CALN1: variants seen among roughly 807,000 people sequenced by gnomAD.
CALN1 encodes calcium-binding protein 8.
CALN1 carries 17 observed loss-of-function variants against 30.6 expected under a neutral mutation model. The observed-to-expected ratio is 0.56, with a 90% CI of 0.38 to 0.83. The LOEUF (loss-of-function observed/expected upper bound fraction) is 0.83, where lower values mean the gene tolerates loss of function less well. Ranked by LOEUF, CALN1 falls within the 40% of genes least tolerant of loss-of-function variation. The pLI, the probability that CALN1 is intolerant of heterozygous loss-of-function variation, is 0.00. For missense variants in CALN1, 291 were observed against 354.9 expected, an observed-to-expected ratio of 0.82 and a Z score of 1.45; for synonymous variants, 156 against 131.4, an observed-to-expected ratio of 1.19 and a Z score of -1.28.
the CALN1 span, among the ~76,000 whole-genome samples, chr7:72,483,280 CTTTTTTTT>C: frequency 2.9e-4 from 29 of 100,094 alleles, no homozygotes; most frequent in East Asian, 5.7e-4. Flanking sequence ...TTTTCTTTTT[CTTTTTTTT>C]TTTTTTTTTT....
intron 3 of CALN1, among the ~76,000 whole-genome samples, chr7:72,204,632 A>C (rs560698664): frequency 1.7e-4 from 26 of 152,290 alleles, no homozygotes; most frequent in African/African-American, 6.3e-4. Context: ...AAATTAAACA[A>C]TCTGTGCCTG....
chr7:72,189,177 G>A (rs1312198798), intron 3 of CALN1, among the ~76,000 whole-genome samples: 3 of 152,196 alleles, frequency 2.0e-5, no homozygotes, highest in Admixed American at 1.3e-4. Context: ...GCTGAGAATC[G>A]TTGTGGATTA....
chr7:72,094,760 T>C (rs1043842881), intron 4 of CALN1, among the ~76,000 whole-genome samples: 3 of 152,258 alleles, frequency 2.0e-5, no homozygotes, highest in East Asian at 1.9e-4. Flanking sequence ...TACCATTCCA[T>C]GTCCCAAGCA....
chr7:72,119,770 T>G (rs1808249673), intron 3 of CALN1, among the ~76,000 whole-genome samples: 1 of 151,596 alleles, frequency 6.6e-6, no homozygotes, highest in South Asian at 2.1e-4. Context: ...TTGTGAGACT[T>G]GTTCACCACC....
chr7:72,260,943 C>T (rs1036319618), intron 3 of CALN1, among the ~76,000 whole-genome samples: 1 of 151,988 alleles, frequency 6.6e-6, no homozygotes, highest in Non-Finnish European at 1.5e-5. Flanking sequence ...TGCAACATAC[C>T]CTGAGGCTCA....
intron 5 of CALN1, among the ~76,000 whole-genome samples, chr7:71,965,891 C>T (rs79086849): frequency 0.054 from 8,130 of 151,310 alleles, 518 homozygotes; most frequent in African/African-American, 0.16. Flanking sequence ...TCTTGGTCTT[C>T]TTCCTGTAGA....
intron 5 of CALN1, among the ~76,000 whole-genome samples, chr7:71,851,252 C>T (rs556754658): frequency 2.7e-5 from 4 of 149,466 alleles, no homozygotes; most frequent in Admixed American, 6.7e-5. Context: ...CACACACACA[C>T]ATCACACATA....
intron 3 of CALN1, among the ~76,000 whole-genome samples, chr7:72,161,431 T>C (rs980182119): frequency 2.6e-5 from 4 of 152,220 alleles, no homozygotes; most frequent in Non-Finnish European, 5.9e-5. Flanking sequence ...CATAAATCAG[T>C]TGAATCCAAG....
At chr7:72,401,422 C>CT (rs571505819) in intron 2 of CALN1, among the ~76,000 whole-genome samples, 7 of 152,260 alleles carry the variant, frequency 4.6e-5, no homozygotes, top group Middle Eastern at 6.8e-3. Context: ...CAAAGAAAAT[C>CT]TTTAAGGAAT....
intron 4 of CALN1, among the ~76,000 whole-genome samples, chr7:72,025,290 A>G (rs1800983542): frequency 6.6e-6 from 1 of 152,134 alleles, no homozygotes; most frequent in African/African-American, 2.4e-5. Flanking sequence ...AGCCTGGGCA[A>G]TAAGAGCAAG....
chr7:72,287,533 G>A (rs555825663), intron 2 of CALN1, among the ~76,000 whole-genome samples: 24 of 129,628 alleles, frequency 1.9e-4, no homozygotes, highest in South Asian at 2.6e-4. Context: ...TGCAAGCTCC[G>A]CCTCCTGGGT....
intron 4 of CALN1, among the ~76,000 whole-genome samples, chr7:72,045,000 A>T (rs1010676144): frequency 6.6e-6 from 1 of 152,216 alleles, no homozygotes; most frequent in African/African-American, 2.4e-5. Flanking sequence ...TCTTGACTTC[A>T]GGATTAAGAG....
At chr7:72,050,880 T>G (rs778496550) in intron 4 of CALN1, among the ~76,000 whole-genome samples, 6 of 151,862 alleles carry the variant, frequency 4.0e-5, no homozygotes, top group Admixed American at 6.6e-5. Context: ...TAATCCCAGC[T>G]ACTTGGGAGG....
chr7:72,359,280 T>A (rs1378980625), intron 2 of CALN1, among the ~76,000 whole-genome samples: 1 of 152,174 alleles, frequency 6.6e-6, no homozygotes, highest in Non-Finnish European at 1.5e-5. Flanking sequence ...CTGAGTCCCA[T>A]CACACGGTTC....
chr7:71,876,869 TA>T (rs1792276575), intron 5 of CALN1, among the ~76,000 whole-genome samples: 1 of 152,204 alleles, frequency 6.6e-6, no homozygotes, highest in Non-Finnish European at 1.5e-5. Context: ...GATTACCTTT[TA>T]TCTGTCGTTT....
At chr7:72,197,707 T>C (rs1460553573) in intron 3 of CALN1, among the ~76,000 whole-genome samples, 1 of 151,910 alleles carries the variant, frequency 6.6e-6, no homozygotes, top group Non-Finnish European at 1.5e-5. Flanking sequence ...AGATGGAAAA[T>C]TAGCCAGGCA....
intron 3 of CALN1, among the ~76,000 whole-genome samples, chr7:72,266,169 C>T (rs1485470169): frequency 6.6e-6 from 1 of 151,944 alleles, no homozygotes; most frequent in Non-Finnish European, 1.5e-5. Context: ...CAATGTACCC[C>T]CATCTCCTTG....
intron 5 of CALN1, among the ~76,000 whole-genome samples, chr7:71,893,912 A>G (rs1428995705): frequency 6.6e-6 from 1 of 152,092 alleles, no homozygotes; most frequent in Non-Finnish European, 1.5e-5. Flanking sequence ...AGATCTGTGT[A>G]TGTTTTCTCT....
At chr7:72,191,517 G>A (rs934205760) in intron 3 of CALN1, among the ~76,000 whole-genome samples, 5 of 145,144 alleles carry the variant, frequency 3.4e-5, no homozygotes, top group East Asian at 4.1e-4. Flanking sequence ...CAGGAGAATC[G>A]CGGGTACCCA....
Sources: allele counts gnomAD v4.1 joint callset (sites outside exome capture counted in the v4.1 genomes callset), GRCh38; gene constraint gnomAD v4.1.1; transcripts MANE v1.5; gene names NCBI Gene and HGNC (gene_info 2026-07-23, HGNC 2026-07-21).